SLC2A13: variants seen among roughly 807,000 people sequenced by gnomAD.
SLC2A13 encodes the protein solute carrier family 2 member 13, also known as proton myo-inositol cotransporter.
Under a neutral mutation model 64.4 loss-of-function variants are expected in SLC2A13, and 32 were observed. The ratio of observed to expected loss-of-function variants is 0.50; its 90% CI spans 0.37 to 0.67. The LOEUF (loss-of-function observed/expected upper bound fraction) is 0.67. Ranked by LOEUF, SLC2A13 falls within the 30% of genes least tolerant of loss-of-function variation. SLC2A13 has a pLI of 0.00. For missense variants in SLC2A13, 743 were observed against 829.2 expected (o/e 0.90, Z 1.28); for synonymous variants, 338 against 327.1 (o/e 1.03, Z -0.36).
chr12:39,812,808 G>A (rs1454712638), intron 7 of SLC2A13, among the ~76,000 whole-genome samples: 7 of 149,168 alleles, frequency 4.7e-5, no homozygotes, highest in Non-Finnish European at 7.4e-5. Context: ...GGGGGTGGGG[G>A]GACAAACATT....
intron 1 of SLC2A13, among the ~76,000 whole-genome samples, chr12:40,063,249 A>C (rs1203957414): frequency 6.6e-6 from 1 of 152,136 alleles, no homozygotes; most frequent in Admixed American, 6.6e-5. Flanking sequence ...TGATTATTCC[A>C]CAACTTGTGA....
chr12:39,894,857 A>T (rs76923652), intron 4 of SLC2A13, among the ~76,000 whole-genome samples: 1,763 of 152,302 alleles, frequency 0.012, 27 homozygotes, highest in African/African-American at 0.039. Flanking sequence ...CAAAGAAAAA[A>T]GGGAGAAAAG....
chr12:40,046,570 A>C (rs1313342990), intron 2 of SLC2A13, among the ~76,000 whole-genome samples: 1 of 151,912 alleles, frequency 6.6e-6, no homozygotes, highest in East Asian at 1.9e-4. Flanking sequence ...TACAAGAAAA[A>C]CTCAAAATAC....
intron 1 of SLC2A13, among the ~76,000 whole-genome samples, chr12:40,096,620 G>A (rs769937864): frequency 3.9e-4 from 59 of 151,752 alleles, no homozygotes; most frequent in Middle Eastern, 3.4e-3. Flanking sequence ...CAGTTACTTC[G>A]TTCTTTTCCC....
intron 7 of SLC2A13, among the ~76,000 whole-genome samples, chr12:39,783,438 A>G (rs1941071061): frequency 6.6e-6 from 1 of 152,196 alleles, no homozygotes; most frequent in Non-Finnish European, 1.5e-5. Flanking sequence ...TCCCTGAGGA[A>G]TCACCACACT....
At chr12:39,929,836 A>G (rs1945793354) in intron 4 of SLC2A13, among the ~76,000 whole-genome samples, 1 of 152,168 alleles carries the variant, frequency 6.6e-6, no homozygotes, top group Non-Finnish European at 1.5e-5. Context: ...CAAGTTAAAG[A>G]ATGCGGCACT....
At chr12:40,096,619 C>T (rs906822867) in intron 1 of SLC2A13, among the ~76,000 whole-genome samples, 14 of 152,108 alleles carry the variant, frequency 9.2e-5, no homozygotes, top group East Asian at 3.9e-4. Flanking sequence ...TCAGTTACTT[C>T]GTTCTTTTCC....
intron 4 of SLC2A13, among the ~76,000 whole-genome samples, chr12:39,925,029 A>T (rs75314036): frequency 2.1e-5 from 2 of 95,092 alleles, no homozygotes; most frequent in Non-Finnish European, 4.2e-5. Flanking sequence ...ACATACAGAT[A>T]ATTTTTTTTT....
At chr12:39,900,016 G>C (rs550321279) in intron 4 of SLC2A13, among the ~76,000 whole-genome samples, 2 of 151,960 alleles carry the variant, frequency 1.3e-5, no homozygotes. Flanking sequence ...TTCATCCCTG[G>C]GATGCAAGGC....
intron 1 of SLC2A13, among the ~76,000 whole-genome samples, chr12:40,094,566 G>A (rs1350931612): frequency 6.6e-6 from 1 of 152,194 alleles, no homozygotes; most frequent in Non-Finnish European, 1.5e-5. Context: ...GACAGTCCTT[G>A]CACTGACCAA....
At position 39,837,183 on chromosome 12, in the gene SLC2A13, C is replaced by T. The variant is rs183051208; in HGVS notation, c.1320-6955G>A. Among the ~76,000 whole-genome samples the T allele has an allele frequency of 2.2e-4, 33 of 147,414 alleles. No individual in the cohort carries two copies. The East Asian group carries it at 6.4e-3, about 29-fold the overall frequency. On this transcript the variant is annotated intron_variant, in intron 6 of 9. Transcript: ENST00000280871. ...CAGAACAGAGCCCTCAGAAATAATG[C>T]CACATACCTACAACTATCTGATCTT...
chr12:40,017,169 C>A (rs915530713), intron 3 of SLC2A13, among the ~76,000 whole-genome samples: 1 of 152,134 alleles, frequency 6.6e-6, no homozygotes, highest in East Asian at 1.9e-4. Context: ...CTCACGTAAA[C>A]AGAAAGTCAA....
intron 3 of SLC2A13, among the ~76,000 whole-genome samples, chr12:39,982,624 T>C (rs1203495843): frequency 1.3e-4 from 20 of 149,474 alleles, no homozygotes; most frequent in Admixed American, 1.1e-3. Flanking sequence ...TTACAAGGGA[T>C]GTGAAGCACC....
At chr12:39,946,437 C>T (rs190379304) in intron 4 of SLC2A13, among the ~76,000 whole-genome samples, 2 of 152,310 alleles carry the variant, frequency 1.3e-5, no homozygotes, top group Admixed American at 6.5e-5. Flanking sequence ...GATTATATGT[C>T]CTTTGTCTTC....
intron 2 of SLC2A13, among the ~76,000 whole-genome samples, chr12:40,034,511 CT>C (rs1177421241): frequency 6.6e-6 from 1 of 152,006 alleles, no homozygotes; most frequent in African/African-American, 2.4e-5. Context: ...CTGTCTTAAA[CT>C]AAAAAAAGGA....
intron 2 of SLC2A13, among the ~76,000 whole-genome samples, chr12:40,036,908 G>C (rs1470424358): frequency 1.3e-5 from 2 of 151,958 alleles, no homozygotes; most frequent in African/African-American, 4.8e-5. Context: ...TTTTTGTGTG[G>C]ATGTCATCTT....
chr12:39,925,393 A>T (rs890386289), intron 4 of SLC2A13, among the ~76,000 whole-genome samples: 1 of 152,128 alleles, frequency 6.6e-6, no homozygotes, highest in African/African-American at 2.4e-5. Context: ...GATGAACTAA[A>T]TGTATTTTAA....
chr12:40,088,717 A>G (rs986975577), intron 1 of SLC2A13, among the ~76,000 whole-genome samples: 2 of 152,176 alleles, frequency 1.3e-5, no homozygotes, highest in Non-Finnish European at 2.9e-5. Context: ...AAAAACACCA[A>G]AGTGTGGTAG....
Position 40,106,011 on chromosome 12 carries a change from G to A in SLC2A13, c.-203C>T, listed in dbSNP as rs950110294. 11 of 532,322 alleles carry A rather than the reference G, an allele frequency of 2.1e-5. No homozygotes were observed. The South Asian group carries it at 5.3e-4, about 25-fold the overall frequency. The allele number at this position is 532,322 out of a possible 1,614,324, so 33.0% of individuals were successfully genotyped here. A position where few individuals can be genotyped will look rare whatever the true frequency, so the allele number is the denominator to read the frequency against. On this transcript the variant is annotated 5_prime_UTR_variant, in exon 1 of 10. Transcript: ENST00000280871. Reference sequence around the variant, plus strand: ...CTGCCCGCCGCGCTCCGACGCTGCGGAGTTGGAGCCCGGCGGGTCTCACTC... The same window carrying A: ...CTGCCCGCCGCGCTCCGACGCTGCGAAGTTGGAGCCCGGCGGGTCTCACTC...
Sources: gnomAD v4.1 joint callset for allele counts (sites outside exome capture counted in the v4.1 genomes callset) on GRCh38, gnomAD v4.1.1 for gene constraint, MANE v1.5 for transcripts, NCBI Gene and HGNC (gene_info 2026-07-23, HGNC 2026-07-21) for gene names.